ANPEP: variants seen among roughly 807,000 people sequenced by gnomAD.
ANPEP encodes the protein alanyl aminopeptidase, membrane.
In ANPEP, 70 loss-of-function variants were observed where a neutral mutation model predicts 114.6. The observed-to-expected ratio is 0.61, with a 90% CI of 0.50 to 0.75. The LOEUF (loss-of-function observed/expected upper bound fraction) is 0.75. ANPEP is among the 30% of genes least tolerant of loss of function. The pLI is 0.00. For missense variants in ANPEP, 1,184 were observed against 1,259.5 expected, an observed-to-expected ratio of 0.94 and a Z score of 0.91; for synonymous variants, 548 against 522.3, an observed-to-expected ratio of 1.05 and a Z score of -0.67.
rs150622034 is a variant in ANPEP, at chr15:89,809,181, T to C, written c.-223-2375A>G. Among the ~76,000 whole-genome samples the C allele has an allele frequency of 1.6e-3, 243 of 152,274 alleles. 1 individual carries two copies. The highest frequency in any genetic ancestry group is 5.5e-3 in the African/African-American group (228 of 41,562). ...GCCAGGCTCCTCCCATCAGGGTGGATGGAATTCGCCAAGGGAGCCCATCTT... is the reference window on the plus strand; with the variant it reads ...GCCAGGCTCCTCCCATCAGGGTGGACGGAATTCGCCAAGGGAGCCCATCTT... On this transcript the variant is annotated intron_variant, in intron 1 of 20. Coordinates refer to ENST00000300060, the MANE Select transcript of ANPEP (RefSeq NM_001150.3).
chr15:89,795,091 G>GAAAAAAAAAAAAAAAAAAA, intron 15 of ANPEP, among the ~76,000 whole-genome samples: 1 of 130,342 alleles, frequency 7.7e-6, no homozygotes, highest in Non-Finnish European at 1.6e-5. Context: ...CGAGTCAATG[G>GAAAAAAAAAAAAAAAAAAA]AAAAAAAAAA....
chr15:89,788,387 A>G (rs1968544084), intron 20 of ANPEP, among the ~76,000 whole-genome samples: 1 of 152,254 alleles, frequency 6.6e-6, no homozygotes, highest in Non-Finnish European at 1.5e-5. Flanking sequence ...CTGTGTGTAT[A>G]TGATTCCATT....
intron 20 of ANPEP, among the ~76,000 whole-genome samples, chr15:89,788,965 G>C (rs1968564068): frequency 6.6e-6 from 1 of 151,472 alleles, no homozygotes; most frequent in African/African-American, 2.4e-5. Context: ...TGAGTTTGAT[G>C]GTCCATGAAT....
At position 89,801,003 on chromosome 15, in the gene ANPEP, G is replaced by A. The variant is rs151068189; in HGVS notation, c.1819+108C>T. On this transcript the variant is annotated intron_variant, in intron 12 of 20. Transcript: ENST00000300060. ...CAAAGTGGAGATTGGAACCAAAGAA[G>A]TCAAGTCCATTTGTTGAATGGAATG... is the stretch of plus-strand genomic sequence containing the variant. 22 of 964,806 alleles carry A rather than the reference G, an allele frequency of 2.3e-5. No homozygotes were observed. The East Asian group carries it at 5.5e-4, about 24-fold the overall frequency. 59.8% of individuals were successfully genotyped at this position (964,806 alleles called of 1,614,324 possible).
chr15:89,806,356 G>A lies in ANPEP; in HGVS notation c.228C>T (p.Leu76=). 1 of 1,614,184 alleles carries A rather than the reference G, an allele frequency of 6.2e-7. No homozygotes were observed. The highest frequency in any genetic ancestry group is 8.5e-7 in the Non-Finnish European group (1 of 1,180,028). The change falls in exon 2 of 21, where the codon CTC becomes CTT. Residue 76 remains leucine (L), a synonymous_variant. Coordinates refer to ENST00000300060, the MANE Select transcript of ANPEP (RefSeq NM_001150.3). This position sits in a 1 kb window ranked among gnomAD's most constrained non-coding sequence, Gnocchi z 5.7. The part of the protein sequence containing the change: ...DQSKAWNRYR[L]PNTLKPDSYR... ...AGGAATCGGGTTTCAGCGTGTTGGG[G>A]AGGCGGTAACGATTCCACGCTTTAC...
chr15:89,794,022 A>G (rs1017220125), intron 15 of ANPEP, among the ~76,000 whole-genome samples: 2 of 152,176 alleles, frequency 1.3e-5, no homozygotes, highest in Non-Finnish European at 2.9e-5. Flanking sequence ...AACCCCCAAT[A>G]ACAAAGAACA....
Position 89,806,517 on chromosome 15 carries a change from C to A in ANPEP, c.67G>T (p.Val23Leu). ...ACTGACAGTGCGATGATTGTGCACA[C>A]GGCTGCCACGCCCAGGAGGATCCCC... ...ILGILLGVAA[V>L]CTIIALSVVY... Residue 23 changes from valine to leucine, a missense_variant, in exon 2 of 21, where the codon GTG becomes TTG. Physicochemically the swap from Val to Leu is conservative, Grantham distance 32. Transcript: ENST00000300060. This position sits in a 1 kb window ranked among gnomAD's most constrained non-coding sequence, Gnocchi z 5.7. 6.2e-7 allele frequency: 1 copy of A among 1,613,844 alleles called. No homozygotes were observed. Among genetic ancestry groups the A allele is most frequent in the East Asian group, 2.2e-5 (1 of 44,878 alleles).
Position 89,792,954 on chromosome 15 carries a change from C to A in ANPEP, c.2249+81G>T, listed in dbSNP as rs568651184. On this transcript the variant is annotated intron_variant, in intron 16 of 20. Coordinates refer to ENST00000300060, the MANE Select transcript of ANPEP (RefSeq NM_001150.3). ...CCTGGTGCCCCCGCATTGAGAGCTGCGGCAGAGAACACTGCCAGGATGTTG... is the reference window on the plus strand; with the variant it reads ...CCTGGTGCCCCCGCATTGAGAGCTGAGGCAGAGAACACTGCCAGGATGTTG... 32 of 1,224,844 alleles carry A rather than the reference C, an allele frequency of 2.6e-5. No homozygotes were observed. In the Admixed American group the frequency reaches 5.6e-4, roughly 22 times the overall value. 75.9% of individuals were successfully genotyped at this position (1,224,844 alleles called of 1,614,324 possible).
At chr15:89,814,116 G>A (rs917883056) in intron 1 of ANPEP, among the ~76,000 whole-genome samples, 2 of 152,134 alleles carry the variant, frequency 1.3e-5, no homozygotes, top group African/African-American at 4.8e-5. Flanking sequence ...TTGCTCACCA[G>A]GGAGGGCGTG....
chr15:89,789,801 T>C (rs1968582328), intron 20 of ANPEP, among the ~76,000 whole-genome samples: 1 of 131,216 alleles, frequency 7.6e-6, no homozygotes, highest in Non-Finnish European at 1.6e-5. Flanking sequence ...CTGGACGCCG[T>C]GGCTCACGCC....
Position 89,801,258 on chromosome 15 carries a change from G to A in ANPEP, c.1743-71C>T, listed in dbSNP as rs547189957. The A allele has an allele frequency of 3.8e-6, 6 of 1,573,264 alleles. No homozygotes were observed. In the African/African-American group the frequency reaches 4.0e-5, roughly 11 times the overall value. On this transcript the variant is annotated intron_variant, in intron 11 of 20. Coordinates refer to ENST00000300060, the MANE Select transcript of ANPEP (RefSeq NM_001150.3). ...CTGCCAGTGAGGAGCAGCTGCCCAG[G>A]CTCCCAGCTTCTGCCCAGCTCTGGC...
At position 89,785,501 on chromosome 15, in the gene ANPEP, G is replaced by A. The variant is rs1343303385; in HGVS notation, c.2752C>T (p.Leu918=). ...TCGTTGTCCTTCTTGAACTGCTCCAGCTGCCAGAAAAACAAAAGATTCTCA... is the reference window on the plus strand; with the variant it reads ...TCGTTGTCCTTCTTGAACTGCTCCAACTGCCAGAAAAACAAAAGATTCTCA... ...RFSTEYELQQ[L]EQFKKDNEET... is the part of the protein sequence containing the mutation. Residue 918 remains leucine, a splice_region_variant and synonymous_variant, in exon 21 of 21, where the codon CTG becomes TTG. Transcript: ENST00000300060. The A allele has an allele frequency of 6.2e-7, 1 of 1,613,374 alleles. No individual in the cohort carries two copies. The highest frequency in any genetic ancestry group is 8.5e-7 in the Non-Finnish European group (1 of 1,179,822).
chr15:89,788,535 G>T (rs1161603428), intron 20 of ANPEP, among the ~76,000 whole-genome samples: 1 of 152,112 alleles, frequency 6.6e-6, no homozygotes, highest in Non-Finnish European at 1.5e-5. Flanking sequence ...TAATAAAAAT[G>T]TTCTGGAATT....
chr15:89,785,069 G>A lies in ANPEP; in HGVS notation c.*280C>T, dbSNP rs930924103. 1.0e-5 allele frequency: 4 copies of A among 400,878 alleles called. No individual in the cohort carries two copies. Among genetic ancestry groups the A allele is most frequent in the Non-Finnish European group, 1.4e-5 (3 of 217,006 alleles). The allele number at this position is 400,878 out of a possible 1,614,324, so 24.8% of individuals were successfully genotyped here. On this transcript the variant is annotated 3_prime_UTR_variant, in exon 21 of 21. Coordinates refer to ENST00000300060, the MANE Select transcript of ANPEP (RefSeq NM_001150.3). The stretch of plus-strand genomic sequence containing the variant: ...CTTCTGCTCATCTGGCCCTGGAGCT[G>A]GGCTTCCCTGAGATCAGCCCCAGGG...
At chr15:89,813,429 G>A (rs1052527872) in intron 1 of ANPEP, among the ~76,000 whole-genome samples, 2 of 152,194 alleles carry the variant, frequency 1.3e-5, no homozygotes, top group Non-Finnish European at 2.9e-5. Flanking sequence ...CAGGGCAGGC[G>A]GCTGGGCTGC....
intron 20 of ANPEP, among the ~76,000 whole-genome samples, chr15:89,788,954 G>A (rs956655529): frequency 1.3e-5 from 2 of 151,566 alleles, no homozygotes; most frequent in Admixed American, 6.6e-5. Flanking sequence ...ACTTAAAATG[G>A]TGAGTTTGAT....
rs766501068 is a variant in ANPEP at position 89,806,004 on chromosome 15, A to G, written c.580T>C (p.Tyr194His). The G allele has an allele frequency of 3.1e-6, 5 of 1,605,826 alleles. No individual in the cohort carries two copies. In the South Asian group the frequency reaches 5.5e-5, roughly 18 times the overall value. The change falls in exon 2 of 21, where the codon TAC (tyrosine) becomes CAC (histidine). Residue 194 changes from tyrosine to histidine, a missense_variant. Tyr to His is a moderately conservative substitution (Grantham distance 83, BLOSUM62 2). Transcript: ENST00000300060. The surrounding 1 kb of genome is among the most constrained non-coding windows in gnomAD (Gnocchi z 5.7). ...GELADDLAGF[Y>H]RSEYMEGNVR... is the part of the protein sequence containing the mutation. ...TTGCCCTCCATGTACTCGCTGCGGT[A>G]GAAGCCCGCCAGGTCATCTGCCAAC...
chr15:89,790,925 G>T, intron 19 of ANPEP, 28 bp downstream of exon 19: 1 of 1,610,710 alleles, frequency 6.2e-7, no homozygotes, highest in Admixed American at 1.7e-5. Flanking sequence ...GGCGCTCGCT[G>T]TCCCTGACAC....
Position 89,804,573 on chromosome 15 carries a change from G to C in ANPEP, c.942C>G (p.Gly314=). The change falls in exon 5 of 21, where the codon GGC becomes GGG. Residue 314 remains glycine (G), a synonymous_variant. Coordinates refer to ENST00000300060, the MANE Select transcript of ANPEP (RefSeq NM_001150.3). ...GGCCCGTCACGTTCAGGGCATAATC[G>C]CCGTGGCCCGCCGCAATGGCACTGG... ...ARPSAIAAGH[G]DYALNVTGPI... is the part of the protein sequence containing the mutation. 1 of 1,614,046 alleles carries C rather than the reference G, an allele frequency of 6.2e-7. No homozygotes were observed. Among genetic ancestry groups the C allele is most frequent in the Non-Finnish European group, 8.5e-7 (1 of 1,179,946 alleles).
Sources: gnomAD v4.1 joint callset for allele counts (sites outside exome capture counted in the v4.1 genomes callset) on GRCh38, gnomAD v4.1.1 for gene constraint, Gnocchi (gnomAD v3.1) non-coding constraint, MANE v1.5 for transcripts, NCBI Gene and HGNC (gene_info 2026-07-23, HGNC 2026-07-21) for gene names.